Variants in TGFBI observed in about 807,000 individuals in gnomAD.
TGFBI encodes the protein transforming growth factor-beta-induced protein ig-h3.
Under a neutral mutation model 73.7 loss-of-function variants are expected in TGFBI, and 50 were observed. The ratio of observed to expected loss-of-function variants is 0.68; its 90% CI spans 0.54 to 0.86. TGFBI has a LOEUF of 0.86. Ranked by LOEUF, TGFBI falls within the 40% of genes least tolerant of loss-of-function variation. TGFBI has a pLI of 0.00. For synonymous variants in TGFBI, 362 were observed against 360.5 expected (o/e 1.00, Z -0.05); for missense variants, 839 against 877.0 (o/e 0.96, Z 0.55).
intron 2 of TGFBI, among the ~76,000 whole-genome samples, chr5:136,035,624 CAA>C (rs1191524920): frequency 2.1e-4 from 15 of 71,842 alleles, no homozygotes; most frequent in African/African-American, 2.6e-4. Flanking sequence ...GACACCGTCT[CAA>C]AAAAAAAAAA....
In TGFBI at chr5:136,059,194, G is replaced by T; in HGVS notation, c.1783G>T (p.Asp595Tyr). 1 of 1,610,318 alleles carries T rather than the reference G, an allele frequency of 6.2e-7. No homozygotes were observed. The highest frequency in any genetic ancestry group is 8.5e-7 in the Non-Finnish European group (1 of 1,178,876). ...GGTGCGGCTAAAGTCTCTCCAAGGT[G>T]ACAAGCTGGAAGTCAGCTTGGTAAG... ...ALVRLKSLQG[D>Y]KLEVSLKNNV... is the part of the protein sequence containing the mutation. Residue 595 changes from aspartate to tyrosine, a missense_variant, in exon 13 of 17, where the codon GAC (aspartate) becomes TAC (tyrosine). By Grantham distance (160) the Asp-to-Tyr change is radical. Transcript: ENST00000442011.
At chr5:136,061,196 T>C (rs1751741403) in intron 14 of TGFBI, 2 of 576,664 alleles carry the variant, frequency 3.5e-6, no homozygotes, top group African/African-American at 3.7e-5. Context: ...CAGTTTTCTG[T>C]ATTCGCGTGG....
intron 8 of TGFBI, among the ~76,000 whole-genome samples, chr5:136,053,348 T>C (rs953198547): frequency 2.0e-5 from 3 of 152,238 alleles, no homozygotes; most frequent in Admixed American, 1.3e-4. Flanking sequence ...TGAAGGGGTC[T>C]GGGGACAGAC....
chr5:136,036,895 C>T (rs1329459469), intron 2 of TGFBI, among the ~76,000 whole-genome samples: 1 of 152,064 alleles, frequency 6.6e-6, no homozygotes, highest in East Asian at 1.9e-4. Flanking sequence ...GGAGGCAGCT[C>T]AGGTTGTCAA....
chr5:136,047,036 C>G (rs1395977661), intron 5 of TGFBI, 21 bp downstream of exon 5: 1 of 1,608,390 alleles, frequency 6.2e-7, no homozygotes, highest in Non-Finnish European at 8.5e-7. Context: ...CCCAGCCATA[C>G]TGCATGGCCC....
At chr5:136,049,397 CAG>C (rs1561611149) in intron 6 of TGFBI, 40 bp from the exon 7 acceptor site, 1 of 1,604,172 alleles carries the variant, frequency 6.2e-7, no homozygotes, top group East Asian at 2.2e-5. Flanking sequence ...TGGGGAGTGC[CAG>C]AGTCTTCAGG....
chr5:136,032,337 G>T (rs1224956077), intron 1 of TGFBI, among the ~76,000 whole-genome samples: 1 of 152,116 alleles, frequency 6.6e-6, no homozygotes, highest in African/African-American at 2.4e-5. Flanking sequence ...CAAAAAACTG[G>T]CCAAGAGGTG....
At chr5:136,047,542 T>G in intron 6 of TGFBI, 122 bp downstream of exon 6, 1 of 1,164,936 alleles carries the variant, frequency 8.6e-7, no homozygotes, top group Non-Finnish European at 1.2e-6. Flanking sequence ...ATAGAGCAGG[T>G]TCCCCTGAAT....
At chr5:136,029,403 CG>C (rs1751068998) in intron 1 of TGFBI, among the ~76,000 whole-genome samples, 1 of 152,172 alleles carries the variant, frequency 6.6e-6, no homozygotes, top group African/African-American at 2.4e-5. Context: ...GGGAGGCCGC[CG>C]CTTTGTAGAA....
intron 7 of TGFBI, chr5:136,049,817 G>A (rs1485752776): frequency 2.1e-6 from 1 of 476,664 alleles, no homozygotes; most frequent in Non-Finnish European, 3.8e-6. Flanking sequence ...GAGCTGGACT[G>A]AAGAGAGGCA....
intron 8 of TGFBI, 101 bp from the exon 9 acceptor site, chr5:136,053,842 G>A (rs957475094): frequency 4.7e-5 from 73 of 1,546,208 alleles, no homozygotes; most frequent in East Asian, 1.8e-4. Flanking sequence ...GTTGACTCAC[G>A]AGATGACATT....
Position 136,049,397 on chromosome 5 carries a change from C to T in TGFBI, c.772-42C>T, listed in dbSNP as rs747568545. The T allele has an allele frequency of 2.2e-5, 36 of 1,604,054 alleles. No homozygotes were observed. The South Asian group carries it at 3.6e-4, about 16-fold the overall frequency. On this transcript the variant is annotated intron_variant, in intron 6 of 16. Transcript: ENST00000442011. Reference sequence around the variant, plus strand: ...TGTGTGCATCTTCTGTGGGGAGTGCCAGAGTCTTCAGGGAGCACTCCATCT... The same window carrying T: ...TGTGTGCATCTTCTGTGGGGAGTGCTAGAGTCTTCAGGGAGCACTCCATCT...
Position 136,059,111 on chromosome 5 carries a change from A to C in TGFBI, c.1700A>C (p.Asn567Thr). 3 of 1,611,646 alleles carry C rather than the reference A, an allele frequency of 1.9e-6. No individual in the cohort carries two copies. Among genetic ancestry groups the C allele is most frequent in the Non-Finnish European group, 2.5e-6 (3 of 1,179,044 alleles). The stretch of plus-strand genomic sequence containing the variant: ...GCAGGAGATGCCAAGGAACTTGCCA[A>C]CATCCTGAAATACCACATTGGTGAT... ...RLLGDAKELANILKYHIGDEI... is the reference protein window; with the variant it reads ...RLLGDAKELATILKYHIGDEI... The change falls in exon 13 of 17, where the codon AAC (asparagine) becomes ACC (threonine). Residue 567 changes from asparagine (N) to threonine (T), a missense_variant. By Grantham distance (65) the Asn-to-Thr change is moderately conservative. Coordinates refer to ENST00000442011, the MANE Select transcript of TGFBI (RefSeq NM_000358.3).
At position 136,054,712 on chromosome 5, in the gene TGFBI, G is replaced by A. The variant is rs1751596135; in HGVS notation, c.1265-4G>A. On this transcript the variant is annotated splice_region_variant and splice_polypyrimidine_tract_variant and intron_variant, in intron 9 of 16. Coordinates refer to ENST00000442011, the MANE Select transcript of TGFBI (RefSeq NM_000358.3). ...CTGGACCTAACCATCACCCTTTCTT[G>A]TAGATGGAACCCCTCCAATTGATGC... 1.2e-6 allele frequency: 2 copies of A among 1,613,758 alleles called. No individual in the cohort carries two copies. The highest frequency in any genetic ancestry group is 2.2e-5 in the East Asian group (1 of 44,882).
chr5:136,033,009 G>A (rs796432874), intron 1 of TGFBI, among the ~76,000 whole-genome samples: 21 of 152,156 alleles, frequency 1.4e-4, no homozygotes, highest in Middle Eastern at 3.4e-3. Context: ...AGTTCATTTC[G>A]TGCTCCTTCT....
chr5:136,055,747 C>T lies in TGFBI; in HGVS notation c.1478C>T (p.Thr493Met), dbSNP rs763560027. ...AGGGGGAGGTACGGGACCCTGTTCA[C>T]GATGGACCGGGTGCTGACCCCCCCA... The part of the protein sequence containing the change: ...DKRGRYGTLF[T>M]MDRVLTPPMG... Residue 493 changes from threonine (T) to methionine (M), a missense_variant, in exon 11 of 17, where the codon ACG becomes ATG. By Grantham distance (81) the Thr-to-Met change is moderately conservative. Coordinates refer to ENST00000442011, the MANE Select transcript of TGFBI (RefSeq NM_000358.3). The T allele has an allele frequency of 1.2e-5, 19 of 1,612,802 alleles. No individual in the cohort carries two copies. The highest frequency in any genetic ancestry group is 1.4e-5 in the Non-Finnish European group (17 of 1,179,114).
intron 13 of TGFBI, 79 bp from the exon 14 acceptor site, chr5:136,060,755 C>T (rs1751733252): frequency 1.8e-6 from 2 of 1,140,524 alleles, no homozygotes; most frequent in East Asian, 2.7e-5. Context: ...TCAGTAAACA[C>T]TTGCTGAATG....
chr5:136,053,891 T>C (rs1751581125), intron 8 of TGFBI, 52 bp from the exon 9 acceptor site: 27 of 1,607,004 alleles, frequency 1.7e-5, no homozygotes, highest in East Asian at 6.7e-5. Flanking sequence ...GGATGAATGA[T>C]AAATGAAAAC....
intron 2 of TGFBI, among the ~76,000 whole-genome samples, chr5:136,038,726 A>C (rs893026853): frequency 1.3e-5 from 2 of 151,724 alleles, no homozygotes; most frequent in African/African-American, 4.9e-5. Context: ...ATCTCAAAAA[A>C]AAAAAAAGAG....
Sources: gnomAD v4.1 joint callset for allele counts (sites outside exome capture counted in the v4.1 genomes callset) on GRCh38, gnomAD v4.1.1 for gene constraint, MANE v1.5 for transcripts, NCBI Gene and HGNC (gene_info 2026-07-23, HGNC 2026-07-21) for gene names.